The following CTCF variants were observed in gnomAD, a reference collection of about 807,000 sequenced individuals.
The protein encoded by CTCF is transcriptional repressor CTCF.
A neutral mutation model predicts 72.3 loss-of-function variants in CTCF; 7 were observed. That is an observed-to-expected ratio of 0.10 (90% confidence interval 0.06 to 0.18). The LOEUF (loss-of-function observed/expected upper bound fraction) is 0.18, where lower values mean the gene tolerates loss of function less well. CTCF is among the 10% of genes least tolerant of loss of function. The pLI, the probability that CTCF is intolerant of heterozygous loss-of-function variation, is 1.00. For synonymous variants in CTCF, 374 were observed against 315.8 expected (o/e 1.18, Z -1.95); for missense variants, 516 against 949.1 (o/e 0.54, Z 6.00).
chr16:67,605,539 G>C (rs749501600), intron 2 of CTCF, among the ~76,000 whole-genome samples: 1 of 152,184 alleles, frequency 6.6e-6, no homozygotes, highest in Non-Finnish European at 1.5e-5. Context: ...ACAACCTCGG[G>C]AGTTTACCTT....
At chr16:67,603,024 G>A (rs569293779) in intron 2 of CTCF, among the ~76,000 whole-genome samples, 6 of 152,144 alleles carry the variant, frequency 3.9e-5, no homozygotes, top group South Asian at 2.1e-4. Context: ...TGTGCTGTCC[G>A]GTACGGAAGC....
At chr16:67,593,635 G>T (rs572027032) in intron 2 of CTCF, among the ~76,000 whole-genome samples, 2 of 152,236 alleles carry the variant, frequency 1.3e-5, no homozygotes, top group East Asian at 1.9e-4. Flanking sequence ...CAGAATTTCT[G>T]TGGCTTGTGA....
chr16:67,637,942 C>G lies in CTCF; in HGVS notation c.*70C>G. 7.5e-7 allele frequency: 1 copy of G among 1,329,242 alleles called. No individual in the cohort carries two copies. The highest frequency in any genetic ancestry group is 1.9e-5 in the South Asian group (1 of 53,714). 82.3% of individuals were successfully genotyped at this position (1,329,242 alleles called of 1,614,324 possible). On this transcript the variant is annotated 3_prime_UTR_variant, in exon 12 of 12. Transcript: ENST00000264010. ...AAACGGCCCGCATCTTAATTTTTCT[C>G]CCTTCTTTCTTTTTTTGGCTTTGGG...
intron 4 of CTCF, among the ~76,000 whole-genome samples, chr16:67,612,761 C>T (rs2052078147): frequency 6.6e-6 from 1 of 151,940 alleles, no homozygotes; most frequent in South Asian, 2.1e-4. Flanking sequence ...GACAAAATCA[C>T]ATCCATCTGT....
chr16:67,600,209 A>T (rs2051868342), intron 2 of CTCF, among the ~76,000 whole-genome samples: 1 of 152,024 alleles, frequency 6.6e-6, no homozygotes, highest in Non-Finnish European at 1.5e-5. Flanking sequence ...CTTTTTAGTA[A>T]GGACAGATAT....
intron 10 of CTCF, among the ~76,000 whole-genome samples, chr16:67,632,027 T>G (rs1436235001): frequency 1.4e-5 from 2 of 146,144 alleles, no homozygotes; most frequent in Admixed American, 7.0e-5. Context: ...TGAACTGAGA[T>G]AGTGTCACTG....
chr16:67,569,720 C>G (rs1385674038), intron 1 of CTCF, among the ~76,000 whole-genome samples: 1 of 150,956 alleles, frequency 6.6e-6, no homozygotes, highest in Non-Finnish European at 1.5e-5. Flanking sequence ...GAGTCTAGCT[C>G]TGTCGCCCAG....
intron 2 of CTCF, among the ~76,000 whole-genome samples, chr16:67,601,294 C>T (rs1169569939): frequency 1.2e-4 from 12 of 98,692 alleles, no homozygotes; most frequent in African/African-American, 2.4e-4. Flanking sequence ...ACTCTGTCAC[C>T]GTGTGTGTGT....
chr16:67,591,714 C>CT (rs59656689), intron 2 of CTCF, among the ~76,000 whole-genome samples: 6,481 of 151,570 alleles, frequency 0.043, 461 homozygotes, highest in African/African-American at 0.15. Context: ...AAACTGATTA[C>CT]TTTTTTTGGG....
At chr16:67,604,745 GT>G (rs1008114398) in intron 2 of CTCF, among the ~76,000 whole-genome samples, 4 of 103,278 alleles carry the variant, frequency 3.9e-5, no homozygotes, top group African/African-American at 1.6e-4. Context: ...TTTTTTTTTT[GT>G]TTTTTGTTTT....
At chr16:67,579,565 G>A (rs994791932) in intron 2 of CTCF, among the ~76,000 whole-genome samples, 2 of 151,870 alleles carry the variant, frequency 1.3e-5, no homozygotes, top group African/African-American at 4.8e-5. Flanking sequence ...CGTCATGTTG[G>A]CCAGGCTGGT....
chr16:67,573,029 G>A (rs1013476479), intron 2 of CTCF, among the ~76,000 whole-genome samples: 2 of 145,812 alleles, frequency 1.4e-5, no homozygotes, highest in Non-Finnish European at 1.5e-5. Flanking sequence ...GAGGTGGGCG[G>A]ATCACAAGGT....
rs551880118 is a variant in CTCF, at chr16:67,613,056, C to A, written c.952+935C>A. Among the ~76,000 whole-genome samples, 6 of 152,312 alleles carry A rather than the reference C, an allele frequency of 3.9e-5. No individual in the cohort carries two copies. In the South Asian group the frequency reaches 1.2e-3, roughly 32 times the overall value. On this transcript the variant is annotated intron_variant, in intron 4 of 11. Coordinates refer to ENST00000264010, the MANE Select transcript of CTCF (RefSeq NM_006565.4). ...ATAATTCAAACATTTATTTGAGCAT[C>A]CTACTTACTTTAGTGTTCAGATATT...
At chr16:67,570,529 T>C (rs886836729) in intron 1 of CTCF, among the ~76,000 whole-genome samples, 1 of 151,298 alleles carries the variant, frequency 6.6e-6, no homozygotes, top group Non-Finnish European at 1.5e-5. Flanking sequence ...GCTCACTGCA[T>C]GCTCTGCCTC....
At chr16:67,566,304 G>C (rs1421599143) in intron 1 of CTCF, among the ~76,000 whole-genome samples, 1 of 151,784 alleles carries the variant, frequency 6.6e-6, no homozygotes, top group African/African-American at 2.4e-5. Flanking sequence ...AGGAGTTTGA[G>C]ACCAGCCTGG....
intron 2 of CTCF, among the ~76,000 whole-genome samples, chr16:67,580,134 G>A (rs984099542): frequency 6.6e-5 from 10 of 152,220 alleles, no homozygotes; most frequent in African/African-American, 2.4e-4. Context: ...ATTGGTCCAT[G>A]CAAGATGTAA....
At chr16:67,595,406 G>A (rs1474230105) in intron 2 of CTCF, among the ~76,000 whole-genome samples, 2 of 152,010 alleles carry the variant, frequency 1.3e-5, no homozygotes, top group Non-Finnish European at 1.5e-5. Flanking sequence ...TACCTTCATC[G>A]TACAGAAATC....
At chr16:67,590,834 G>A (rs1192377808) in intron 2 of CTCF, among the ~76,000 whole-genome samples, 1 of 151,854 alleles carries the variant, frequency 6.6e-6, no homozygotes, top group African/African-American at 2.4e-5. Flanking sequence ...TTTGGTGCCT[G>A]TAATCAATCC....
At chr16:67,605,567 A>G (rs1439757175) in intron 2 of CTCF, among the ~76,000 whole-genome samples, 1 of 152,216 alleles carries the variant, frequency 6.6e-6, no homozygotes, top group East Asian at 1.9e-4. Context: ...GTTTTTTTCC[A>G]GGCAGATGGT....
Sources: allele counts gnomAD v4.1 joint callset (sites outside exome capture counted in the v4.1 genomes callset), GRCh38; gene constraint gnomAD v4.1.1; transcripts MANE v1.5; gene names NCBI Gene and HGNC (gene_info 2026-07-23, HGNC 2026-07-21).